The following TJP2 variants were observed in gnomAD, a reference collection of about 807,000 sequenced individuals.
The protein encoded by TJP2 is tight junction protein 2.
TJP2 carries 91 observed loss-of-function variants against 133.1 expected under a neutral mutation model. The ratio of observed to expected loss-of-function variants is 0.68; its 90% CI spans 0.58 to 0.81. The LOEUF is 0.81. Ranked by LOEUF, TJP2 falls within the 40% of genes least tolerant of loss-of-function variation. The probability of loss-of-function intolerance (pLI) is 0.00; values close to 1 mark genes in which losing one functional copy is unlikely to be tolerated. For missense variants in TJP2, 1,541 were observed against 1,565.6 expected, an observed-to-expected ratio of 0.98 and a Z score of 0.26; for synonymous variants, 592 against 583.4, an observed-to-expected ratio of 1.01 and a Z score of -0.21.
At chr9:69,132,478 C>T (rs572778547) in intron 1 of TJP2, among the ~76,000 whole-genome samples, 2 of 152,158 alleles carry the variant, frequency 1.3e-5, no homozygotes, top group Admixed American at 6.5e-5. Context: ...CCTGGTGCTG[C>T]AGGAGAAGGT....
At chr9:69,140,788 A>AT (rs1382949501) in intron 1 of TJP2, among the ~76,000 whole-genome samples, 1 of 152,202 alleles carries the variant, frequency 6.6e-6, no homozygotes, top group Non-Finnish European at 1.5e-5. Flanking sequence ...CGTAGGATCA[A>AT]TTTCTACCAA....
At chr9:69,222,935 G>T (rs1201271873) in intron 5 of TJP2, among the ~76,000 whole-genome samples, 3 of 152,064 alleles carry the variant, frequency 2.0e-5, no homozygotes, top group Non-Finnish European at 4.4e-5. Context: ...TGGGCGTGGT[G>T]GTGGGTGCCT....
At chr9:69,234,712 C>T (rs957360757) in intron 12 of TJP2, among the ~76,000 whole-genome samples, 165 bp downstream of exon 12, 5 of 151,998 alleles carry the variant, frequency 3.3e-5, no homozygotes, top group Admixed American at 6.5e-5. Context: ...ATGTGAGTGC[C>T]GTTTAACTTT....
At chr9:69,252,468 A>G (rs925641315) in intron 21 of TJP2, among the ~76,000 whole-genome samples, 1 of 151,838 alleles carries the variant, frequency 6.6e-6, no homozygotes, top group African/African-American at 2.4e-5. Flanking sequence ...CCACTCCTTT[A>G]CTTTCTGTTT....
chr9:69,177,652 T>C (rs937069964), intron 1 of TJP2, among the ~76,000 whole-genome samples: 1 of 148,090 alleles, frequency 6.8e-6, no homozygotes. Context: ...GTTTTTTTGG[T>C]TTTTTTTTTG....
chr9:69,130,956 GCCTTTCCACCATT>G (rs151127622), intron 1 of TJP2, among the ~76,000 whole-genome samples: 3,009 of 152,224 alleles, frequency 0.02, 101 homozygotes, highest in African/African-American at 0.068. Flanking sequence ...TGCAGGCCTG[GCCTTTCCACCATT>G]CTTTCAGGAA....
intron 2 of TJP2, among the ~76,000 whole-genome samples, chr9:69,155,026 T>C (rs1195282818): frequency 6.6e-6 from 1 of 151,690 alleles, no homozygotes; most frequent in African/African-American, 2.4e-5. Flanking sequence ...CAGACCAGCC[T>C]GGCCAACATG....
At chr9:69,140,196 A>G (rs1315691546) in intron 1 of TJP2, among the ~76,000 whole-genome samples, 5 of 152,252 alleles carry the variant, frequency 3.3e-5, no homozygotes, top group Non-Finnish European at 5.9e-5. Context: ...GAAGAAATGA[A>G]GCCACAACTA....
chr9:69,235,915 A>T (rs1830152791), intron 12 of TJP2, 113 bp from the exon 13 acceptor site: 1 of 966,472 alleles, frequency 1.0e-6, no homozygotes, highest in Admixed American at 1.9e-5. Context: ...GGACTTGTGC[A>T]CTGAATGGAA....
intron 11 of TJP2, among the ~76,000 whole-genome samples, chr9:69,231,494 A>G (rs1308705003): frequency 6.6e-6 from 1 of 152,010 alleles, no homozygotes; most frequent in Non-Finnish European, 1.5e-5. Flanking sequence ...TAAAAAATCC[A>G]TATGTAGTAA....
At chr9:69,174,195 G>C, upstream of TJP2, 10 of 1,393,248 alleles carry the variant, frequency 7.2e-6, no homozygotes, top group Non-Finnish European at 5.6e-6. Flanking sequence ...TCGGGGGCGG[G>C]CTGACGCCGC....
Position 69,163,086 on chromosome 9 carries a change from C to T in TJP2, c.-10+11315C>T, listed in dbSNP as rs1175449443. ...TGTCGCCCAGGCTGGAGTGCAGTGG[C>T]GGGATCTCGGCTCACTGCAAGCTCC... On this transcript the variant is annotated intron_variant, in intron 2 of 5. Coordinates refer to the TJP2 transcript ENST00000423935. Among the ~76,000 whole-genome samples, 4 of 40,294 alleles carry T rather than the reference C, an allele frequency of 9.9e-5. 2 individuals carry two copies. The highest frequency in any genetic ancestry group is 1.2e-3 in the South Asian group (2 of 1,736). The allele number at this position is 40,294 out of a possible 152,430, so 26.4% of individuals were successfully genotyped here. A position where few individuals can be genotyped will look rare whatever the true frequency, so the allele number is the denominator to read the frequency against.
chr9:69,160,825 CT>C (rs1315884298), intron 2 of TJP2, among the ~76,000 whole-genome samples: 1 of 152,122 alleles, frequency 6.6e-6, no homozygotes, highest in Non-Finnish European at 1.5e-5. Flanking sequence ...GGGAAACTCC[CT>C]TTTTTAAAAC....
In TJP2 at chr9:69,242,639, A is replaced by G. The variant is rs946394711; in HGVS notation, c.2566+2492A>G. Among the ~76,000 whole-genome samples, 4 of 152,318 alleles carry G rather than the reference A, an allele frequency of 2.6e-5. No individual in the cohort carries two copies. The South Asian group carries it at 8.3e-4, about 32-fold the overall frequency. On this transcript the variant is annotated intron_variant, in intron 17 of 22. Coordinates refer to ENST00000377245, the MANE Select transcript of TJP2 (RefSeq NM_004817.4). Reference sequence around the variant, plus strand: ...AGGGTGTGCAGCAACTTTGACCAGCAAGCTCCAATTTTCTAGCAAGTGGTC... The same window carrying G: ...AGGGTGTGCAGCAACTTTGACCAGCGAGCTCCAATTTTCTAGCAAGTGGTC...
At chr9:69,238,859 G>A (rs1453629057) in intron 16 of TJP2, 70 bp downstream of exon 16, 8 of 1,267,960 alleles carry the variant, frequency 6.3e-6, no homozygotes, top group Non-Finnish European at 9.1e-6. Context: ...GTCACTTTTA[G>A]GATAGTATCT....
At chr9:69,152,700 CT>C (rs1395385120) in intron 2 of TJP2, among the ~76,000 whole-genome samples, 1 of 151,874 alleles carries the variant, frequency 6.6e-6, no homozygotes, top group Non-Finnish European at 1.5e-5. Flanking sequence ...ATGCTAAGGC[CT>C]TTCTCAGTGT....
At chr9:69,162,631 C>G (rs1824142020) in intron 2 of TJP2, among the ~76,000 whole-genome samples, 1 of 152,192 alleles carries the variant, frequency 6.6e-6, no homozygotes, top group African/African-American at 2.4e-5. Context: ...TGATAGAGAT[C>G]TAGTTCATGA....
At chr9:69,178,592 G>C (rs891206732) in intron 1 of TJP2, among the ~76,000 whole-genome samples, 1 of 152,186 alleles carries the variant, frequency 6.6e-6, no homozygotes, top group Non-Finnish European at 1.5e-5. Flanking sequence ...AGAATAGCCA[G>C]GAAAGTTGAA....
chr9:69,135,599 C>T (rs1271910238), intron 1 of TJP2, among the ~76,000 whole-genome samples: 2 of 142,208 alleles, frequency 1.4e-5, no homozygotes, highest in African/African-American at 5.2e-5. Context: ...CACCACCACA[C>T]CTAGCTGATT....
Sources: gnomAD v4.1 joint callset for allele counts (sites outside exome capture counted in the v4.1 genomes callset) on GRCh38, gnomAD v4.1.1 for gene constraint, MANE v1.5 for transcripts, NCBI Gene and HGNC (gene_info 2026-07-23, HGNC 2026-07-21) for gene names.